The following HCN1 variants were observed in gnomAD, a reference collection of about 807,000 sequenced individuals.
The protein encoded by HCN1 is potassium/sodium hyperpolarization-activated cyclic nucleotide-gated channel 1.
HCN1 carries 13 observed loss-of-function variants against 78.9 expected under a neutral mutation model. The ratio of observed to expected loss-of-function variants is 0.16; its 90% CI spans 0.11 to 0.26. HCN1 has a LOEUF of 0.26. Among genes scored for constraint, HCN1 ranks in the 10% least tolerant of loss-of-function variants. HCN1 has a pLI of 1.00. For synonymous variants in HCN1, 552 were observed against 455.5 expected, an observed-to-expected ratio of 1.21 and a Z score of -2.70; for missense variants, 810 against 1,154.3, an observed-to-expected ratio of 0.70 and a Z score of 4.32.
At position 45,271,757 on chromosome 5, in the gene HCN1, C is replaced by T. The variant is rs181467532; in HGVS notation, c.1619-4504G>A. ...TTAATGAAATAAATTATTTAATCAC[C>T]TACAAAAATTCCCTTTGTATTTAAT... On this transcript the variant is annotated intron_variant, in intron 6 of 7. Transcript: ENST00000303230. Among the ~76,000 whole-genome samples the T allele has an allele frequency of 2.6e-5, 4 of 152,152 alleles. No individual in the cohort carries two copies. In the East Asian group the frequency reaches 7.7e-4, roughly 29 times the overall value.
chr5:45,593,452 G>A (rs1579989053), intron 2 of HCN1, among the ~76,000 whole-genome samples: 2 of 151,638 alleles, frequency 1.3e-5, no homozygotes, highest in Middle Eastern at 6.8e-3. Context: ...CCTGATGGTA[G>A]GCCATATTTA....
chr5:45,565,590 A>G (rs1743692719), intron 2 of HCN1, among the ~76,000 whole-genome samples: 1 of 152,110 alleles, frequency 6.6e-6, no homozygotes, highest in Non-Finnish European at 1.5e-5. Flanking sequence ...TGGGAGGCTG[A>G]GGAAGGACAA....
At chr5:45,425,099 GGA>G (rs1740319223) in intron 3 of HCN1, among the ~76,000 whole-genome samples, 1 of 152,138 alleles carries the variant, frequency 6.6e-6, no homozygotes, top group Non-Finnish European at 1.5e-5. Context: ...TGACAGCAAG[GGA>G]TAAGTGGTGG....
intron 2 of HCN1, among the ~76,000 whole-genome samples, chr5:45,505,029 A>C (rs1742269660): frequency 6.6e-6 from 1 of 151,762 alleles, no homozygotes; most frequent in Non-Finnish European, 1.5e-5. Flanking sequence ...GATTGCAAAA[A>C]TTTTCTCCCA....
intron 3 of HCN1, among the ~76,000 whole-genome samples, chr5:45,404,693 C>CAAAAAAAAAAAAAAAAAAAAAAAA (rs60728403): frequency 1.8e-5 from 1 of 56,234 alleles, no homozygotes; most frequent in Non-Finnish European, 3.5e-5. Flanking sequence ...GGGCTATTTG[C>CAAAAAAAAAAAAAAAAAAAAAAAA]AAAAAAAAAA....
chr5:45,576,294 ATTG>A (rs1743943996), intron 2 of HCN1: 1 of 152,186 alleles, frequency 6.6e-6, no homozygotes, highest in Admixed American at 6.6e-5. Flanking sequence ...TGCTATGAAT[ATTG>A]TTGAACTGGC....
At position 45,281,563 on chromosome 5, in the gene HCN1, C is replaced by T. The variant is rs186941549; in HGVS notation, c.1619-14310G>A. 2.1e-5 allele frequency among the ~76,000 whole-genome samples: 3 copies of T among 143,326 alleles called. No homozygotes were observed. In the Admixed American group the frequency reaches 2.1e-4, roughly 10 times the overall value. 94.0% of individuals were successfully genotyped at this position (143,326 alleles called of 152,430 possible). ...TGAGAGCATGCAGACAAAAAATATA[C>T]AAGAGCTCTTCTCTTCTTTTTTTTT... On this transcript the variant is annotated intron_variant, in intron 6 of 7. Coordinates refer to ENST00000303230, the MANE Select transcript of HCN1 (RefSeq NM_021072.4).
chr5:45,372,923 C>T (rs889875917), intron 4 of HCN1, among the ~76,000 whole-genome samples: 3 of 133,826 alleles, frequency 2.2e-5, no homozygotes, highest in East Asian at 4.5e-4. Flanking sequence ...AAAATATACA[C>T]GTATTTTATA....
rs1166942299 is a variant in HCN1, at chr5:45,659,297, C to A, written c.426-13689G>T. On this transcript the variant is annotated intron_variant, in intron 1 of 7. Coordinates refer to ENST00000303230, the MANE Select transcript of HCN1 (RefSeq NM_021072.4). Reference sequence around the variant, plus strand: ...AGAAAGGACATCTACACCGAAAACCCATCTGTACATCAACATCATCAAAGA... The same window carrying A: ...AGAAAGGACATCTACACCGAAAACCAATCTGTACATCAACATCATCAAAGA... 3.5e-4 allele frequency among the ~76,000 whole-genome samples: 44 copies of A among 125,334 alleles called. 1 individual carries two copies. The highest frequency in any genetic ancestry group is 1.4e-3 in the African/African-American group (41 of 28,968). 82.2% of individuals were successfully genotyped at this position (125,334 alleles called of 152,430 possible).
chr5:45,553,388 T>C (rs1743408625), intron 2 of HCN1, among the ~76,000 whole-genome samples: 1 of 151,902 alleles, frequency 6.6e-6, no homozygotes, highest in African/African-American at 2.4e-5. Flanking sequence ...TTTTTGGTCA[T>C]ATGATGCCCC....
At chr5:45,480,771 T>G (rs1230549773) in intron 2 of HCN1, among the ~76,000 whole-genome samples, 2 of 152,330 alleles carry the variant, frequency 1.3e-5, no homozygotes, top group East Asian at 1.9e-4. Context: ...GTCAGTAGAC[T>G]GTAAGAAACC....
chr5:45,375,173 A>T (rs1329986060), intron 4 of HCN1, among the ~76,000 whole-genome samples: 1 of 121,300 alleles, frequency 8.2e-6, no homozygotes, highest in Admixed American at 1.1e-4. Context: ...TATATTTTAT[A>T]ATATATAATG....
intron 2 of HCN1, among the ~76,000 whole-genome samples, chr5:45,539,211 C>T (rs1743038613): frequency 1.3e-5 from 2 of 152,052 alleles, no homozygotes. Flanking sequence ...ACAGCTTCTG[C>T]CACACAGTAT....
chr5:45,421,591 T>C (rs1277579408), intron 3 of HCN1, among the ~76,000 whole-genome samples: 1 of 152,140 alleles, frequency 6.6e-6, no homozygotes, highest in East Asian at 1.9e-4. Context: ...AAACCAACAG[T>C]ATATTCCAAA....
chr5:45,590,159 T>C (rs1475619138), intron 2 of HCN1, among the ~76,000 whole-genome samples: 1 of 152,228 alleles, frequency 6.6e-6, no homozygotes, highest in Non-Finnish European at 1.5e-5. Context: ...GAATTGTTTA[T>C]TTAATGCTAG....
intron 2 of HCN1, chr5:45,617,271 T>C (rs1744975908): frequency 6.6e-6 from 1 of 151,844 alleles, no homozygotes; most frequent in Admixed American, 6.6e-5. Context: ...ATGCTAGGAG[T>C]TCAACAACTA....
intron 2 of HCN1, among the ~76,000 whole-genome samples, chr5:45,546,675 T>C (rs958865311): frequency 1.3e-5 from 2 of 151,906 alleles, no homozygotes; most frequent in Non-Finnish European, 2.9e-5. Context: ...TCCTGTATTC[T>C]TGGGGGATTT....
At chr5:45,616,334 A>G (rs1242451735) in intron 2 of HCN1, among the ~76,000 whole-genome samples, 2 of 152,098 alleles carry the variant, frequency 1.3e-5, no homozygotes, top group East Asian at 1.9e-4. Context: ...CTCAATTTGA[A>G]GTTTGAGAAA....
At chr5:45,401,054 A>T (rs945686611) in intron 3 of HCN1, among the ~76,000 whole-genome samples, 1 of 152,174 alleles carries the variant, frequency 6.6e-6, no homozygotes, top group African/African-American at 2.4e-5. Context: ...GCCACTACAA[A>T]CTATTCTTTA....
Sources: gnomAD v4.1 joint callset for allele counts (sites outside exome capture counted in the v4.1 genomes callset) on GRCh38, gnomAD v4.1.1 for gene constraint, MANE v1.5 for transcripts, NCBI Gene and HGNC (gene_info 2026-07-23, HGNC 2026-07-21) for gene names.